FNDC8: variants seen among roughly 807,000 people sequenced by gnomAD.
FNDC8 encodes fibronectin type III domain-containing protein 8.
In FNDC8, 23 loss-of-function variants were observed where a neutral mutation model predicts 24.8. The observed-to-expected ratio is 0.93, with a 90% confidence interval of 0.67 to 1.31. FNDC8 has a LOEUF of 1.31. Among genes scored for constraint, FNDC8 ranks in the 40% most tolerant of loss-of-function variants. The probability of loss-of-function intolerance (pLI) is 0.00; values close to 1 mark genes in which losing one functional copy is unlikely to be tolerated. For synonymous variants in FNDC8, 158 were observed against 165.3 expected (o/e 0.96, Z 0.34); for missense variants, 371 against 398.2 (o/e 0.93, Z 0.58).
chr17:35,130,087 G>A (rs1188412745), intron 3 of FNDC8, 195 bp from the exon 4 acceptor site: 3 of 1,423,280 alleles, frequency 2.1e-6, no homozygotes, highest in African/African-American at 2.9e-5. Context: ...CCTTTGGTTG[G>A]AAATATCCCA....
At chr17:35,129,208 TA>T in intron 2 of FNDC8, 1 of 610,470 alleles carries the variant, frequency 1.6e-6, no homozygotes, top group Non-Finnish European at 2.9e-6. Context: ...GGGTGTACCC[TA>T]AAGTGGGTGG....
intron 1 of FNDC8, among the ~76,000 whole-genome samples, chr17:35,123,608 C>T (rs1055164748): frequency 1.3e-5 from 2 of 152,054 alleles, no homozygotes; most frequent in South Asian, 2.1e-4. Context: ...TGTGGTGGCA[C>T]GCACCTGTTG....
intron 1 of FNDC8, among the ~76,000 whole-genome samples, chr17:35,124,772 G>C (rs1219056832): frequency 2.0e-5 from 3 of 152,088 alleles, no homozygotes; most frequent in African/African-American, 7.2e-5. Context: ...GTTTGGCTGG[G>C]GGCAGTGGCT....
In FNDC8 at chr17:35,121,673, G is replaced by A. The variant is rs760279667; in HGVS notation, c.-21G>A. ...GCTGGGTTGTCCTGCATGGTGACGGGTGTCATCCCGAACAAATCAGATGGC... is the reference window on the plus strand; with the variant it reads ...GCTGGGTTGTCCTGCATGGTGACGGATGTCATCCCGAACAAATCAGATGGC... On this transcript the variant is annotated 5_prime_UTR_variant, in exon 1 of 4. In the 5' UTR this introduces an upstream ATG that the reference lacks. Transcript: ENST00000158009. The A allele has an allele frequency of 1.9e-6, 3 of 1,612,246 alleles. No homozygotes were observed. The highest frequency in any genetic ancestry group is 2.5e-6 in the Non-Finnish European group (3 of 1,178,498).
Position 35,130,536 on chromosome 17 carries a change from C to A in FNDC8, c.*102C>A. On this transcript the variant is annotated 3_prime_UTR_variant, in exon 4 of 4. Transcript: ENST00000158009. ...TACCATACCACCAGCACCCTGCGGGCCCGGGGTCTGGCAGAGTGGTATGGG... is the reference window on the plus strand; with the variant it reads ...TACCATACCACCAGCACCCTGCGGGACCGGGGTCTGGCAGAGTGGTATGGG... 2 of 1,302,914 alleles carry A rather than the reference C, an allele frequency of 1.5e-6. No homozygotes were observed. Among genetic ancestry groups the A allele is most frequent in the Non-Finnish European group, 2.1e-6 (2 of 952,788 alleles). The allele number at this position is 1,302,914 out of a possible 1,614,324, so 80.7% of individuals were successfully genotyped here. A position where few individuals can be genotyped will look rare whatever the true frequency, so the allele number is the denominator to read the frequency against.
intron 2 of FNDC8, 25 bp downstream of exon 2, chr17:35,127,442 C>T: frequency 6.6e-7 from 1 of 1,519,244 alleles, no homozygotes; most frequent in Non-Finnish European, 8.8e-7. Context: ...CTCATGCGTT[C>T]AGCAGAGGCT....
In FNDC8 at chr17:35,130,570, C is replaced by T. The variant is rs561026966; in HGVS notation, c.*136C>T. The T allele has an allele frequency of 1.9e-5, 18 of 937,110 alleles. No homozygotes were observed. Among genetic ancestry groups the T allele is most frequent in the South Asian group, 1.9e-4 (11 of 57,996 alleles). The allele number at this position is 937,110 out of a possible 1,614,324, so 58.0% of individuals were successfully genotyped here. A position where few individuals can be genotyped will look rare whatever the true frequency, so the allele number is the denominator to read the frequency against. Reference sequence around the variant, plus strand: ...TGGCAGAGTGGTATGGGCACCCCACCCCTGGGCTGGGGCCAAGGCTACATA... The same window carrying T: ...TGGCAGAGTGGTATGGGCACCCCACTCCTGGGCTGGGGCCAAGGCTACATA... On this transcript the variant is annotated 3_prime_UTR_variant, in exon 4 of 4. Transcript: ENST00000158009.
intron 1 of FNDC8, among the ~76,000 whole-genome samples, chr17:35,122,167 T>TATAA (rs2091829525): frequency 3.7e-5 from 1 of 26,732 alleles, no homozygotes; most frequent in African/African-American, 1.9e-4. Context: ...CATATATATA[T>TATAA]ATATATATAT....
intron 1 of FNDC8, among the ~76,000 whole-genome samples, chr17:35,123,580 A>C (rs566667576): frequency 2.0e-5 from 3 of 152,262 alleles, no homozygotes; most frequent in Admixed American, 6.5e-5. Context: ...TCTACTAAAA[A>C]TACAAAAATT....
intron 2 of FNDC8, 126 bp from the exon 3 acceptor site, chr17:35,129,296 T>G: frequency 7.9e-7 from 1 of 1,263,650 alleles, no homozygotes; most frequent in Non-Finnish European, 1.1e-6. Flanking sequence ...ACCTTCCATC[T>G]GACCTGCCTG....
At chr17:35,127,557 T>A in intron 2 of FNDC8, 140 bp downstream of exon 2, 1 of 1,061,060 alleles carries the variant, frequency 9.4e-7, no homozygotes, top group Non-Finnish European at 1.3e-6. Flanking sequence ...GATGTGTCTG[T>A]AAAAACTCCA....
Position 35,121,795 on chromosome 17 carries a change from C to G in FNDC8, c.102C>G (p.Pro34=), listed in dbSNP as rs770500847. 9.3e-6 allele frequency: 15 copies of G among 1,613,682 alleles called. No individual in the cohort carries two copies. The highest frequency in any genetic ancestry group is 1.3e-5 in the Non-Finnish European group (15 of 1,179,854). ...MMNALDQLPK[P]FSNPKSMNRT... is the part of the protein sequence containing the mutation. ...ATGCCCTTGACCAACTGCCAAAACC[C>G]TTTTCAAACCCCAAGTCTATGAACC... The change falls in exon 1 of 4, where the codon CCC becomes CCG. Residue 34 remains proline, a synonymous_variant. Transcript: ENST00000158009.
chr17:35,128,887 G>T, intron 2 of FNDC8: 1 of 172,344 alleles, frequency 5.8e-6, no homozygotes, highest in Non-Finnish European at 1.2e-5. Flanking sequence ...CCATTTGGGG[G>T]TGATGGGAGA....
Position 35,127,654 on chromosome 17 carries a change from G to A in FNDC8, c.585+237G>A, listed in dbSNP as rs756090103. Among the ~76,000 whole-genome samples, 22 of 152,336 alleles carry A rather than the reference G, an allele frequency of 1.4e-4. 1 individual carries two copies. Among genetic ancestry groups the A allele is most frequent in the Middle Eastern group, 3.4e-3 (1 of 292 alleles). On this transcript the variant is annotated intron_variant, in intron 2 of 3. Coordinates refer to ENST00000158009, the MANE Select transcript of FNDC8 (RefSeq NM_017559.4). ...CAGAGGGAAAGATATTTCCAGATGCGGGAATAAGCTTGGTGGCTTTTGGTA... is the reference window on the plus strand; with the variant it reads ...CAGAGGGAAAGATATTTCCAGATGCAGGAATAAGCTTGGTGGCTTTTGGTA...
At chr17:35,128,950 C>T (rs1320905738) in intron 2 of FNDC8, 1 of 163,348 alleles carries the variant, frequency 6.1e-6, no homozygotes, top group Non-Finnish European at 1.3e-5. Flanking sequence ...CAACTTAGAT[C>T]CCTCCCATAC....
chr17:35,122,205 T>A (rs1199763513), intron 1 of FNDC8, among the ~76,000 whole-genome samples: 4 of 7,622 alleles, frequency 5.2e-4, no homozygotes, highest in Admixed American at 2.7e-3. Context: ...TATATATATA[T>A]ATAAATTTTT....
Position 35,127,310 on chromosome 17 carries a change from G to A in FNDC8, c.478G>A (p.Glu160Lys). 6.2e-7 allele frequency: 1 copy of A among 1,613,956 alleles called. No homozygotes were observed. The highest frequency in any genetic ancestry group is 8.5e-7 in the Non-Finnish European group (1 of 1,179,896). ...TRGLLDLDNP[E>K]LETETSSTHS... ...GGGCCTGCTGGACCTTGACAACCCT[G>A]AGCTGGAGACAGAAACCTCCTCAAC... Residue 160 changes from glutamate to lysine, a missense_variant, in exon 2 of 4, where the codon GAG (glutamate) becomes AAG (lysine). Coordinates refer to ENST00000158009, the MANE Select transcript of FNDC8 (RefSeq NM_017559.4).
chr17:35,121,941 C>CCCTCCCTTCCTT (rs748865749), intron 1 of FNDC8, 39 bp downstream of exon 1: 5 of 1,381,506 alleles, frequency 3.6e-6, no homozygotes, highest in South Asian at 2.4e-5. Context: ...CTCCCTCCCT[C>CCCTCCCTTCCTT]CCTCCCTTCC....
chr17:35,128,896 G>A (rs1225031681), intron 2 of FNDC8: 2 of 169,078 alleles, frequency 1.2e-5, no homozygotes, highest in South Asian at 1.8e-4. Context: ...GGTGATGGGA[G>A]ACAATGACAG....
Sources: gnomAD v4.1 joint callset for allele counts (sites outside exome capture counted in the v4.1 genomes callset) on GRCh38, gnomAD v4.1.1 for gene constraint, MANE v1.5 for transcripts, NCBI Gene and HGNC (gene_info 2026-07-23, HGNC 2026-07-21) for gene names.